PRKCQ: variants seen among roughly 807,000 people sequenced by gnomAD.
PRKCQ encodes the protein protein kinase C theta, also known as protein kinase C theta type.
A neutral mutation model predicts 91.2 loss-of-function variants in PRKCQ; 41 were observed. The ratio of observed to expected loss-of-function variants is 0.45; its 90% CI spans 0.35 to 0.58. The LOEUF (loss-of-function observed/expected upper bound fraction) is 0.58, where lower values mean the gene tolerates loss of function less well. Ranked by LOEUF, PRKCQ falls within the 20% of genes least tolerant of loss-of-function variation. PRKCQ has a pLI of 0.00. For missense variants in PRKCQ, 673 were observed against 896.5 expected (o/e 0.75, Z 3.18); for synonymous variants, 307 against 316.9 (o/e 0.97, Z 0.33).
chr10:6,507,300 A>C, intron 4 of PRKCQ, 136 bp downstream of exon 4: 1 of 849,452 alleles, frequency 1.2e-6, no homozygotes, highest in Non-Finnish European at 1.9e-6. Flanking sequence ...AGCACCTCTG[A>C]GAATTTTAAA....
chr10:6,485,301 C>G (rs751734569), intron 9 of PRKCQ, 32 bp from the exon 10 acceptor site: 2 of 1,555,042 alleles, frequency 1.3e-6, no homozygotes, highest in Non-Finnish European at 1.8e-6. Flanking sequence ...AGACCACCCA[C>G]CCACCCACCA....
chr10:6,511,189 C>G lies in PRKCQ; in HGVS notation c.124G>C (p.Gly42Arg). 1 of 1,613,890 alleles carries G rather than the reference C, an allele frequency of 6.2e-7. No individual in the cohort carries two copies. The highest frequency in any genetic ancestry group is 8.5e-7 in the Non-Finnish European group (1 of 1,179,914). Residue 42 changes from glycine (G) to arginine (R), a missense_variant, in exon 3 of 18, where the codon GGG (glycine) becomes CGG (arginine). Coordinates refer to ENST00000263125, the MANE Select transcript of PRKCQ (RefSeq NM_006257.5). ...LVKEYVESEN[G>R]QMYIQKKPTM... Reference sequence around the variant, plus strand: ...GGCTTTTTCTGGATATACATCTGCCCGTTCTCTAGGAACAGAAACGTAAGG... The same window carrying G: ...GGCTTTTTCTGGATATACATCTGCCGGTTCTCTAGGAACAGAAACGTAAGG...
At chr10:6,395,442 G>C in the PRKCQ span, among the ~76,000 whole-genome samples, 1 of 152,024 alleles carries the variant, frequency 6.6e-6, no homozygotes, top group African/African-American at 2.4e-5. Flanking sequence ...TTTGGTAAAT[G>C]GGGAGAAGGC....
the PRKCQ span, among the ~76,000 whole-genome samples, chr10:6,411,902 A>G: frequency 6.6e-6 from 1 of 152,190 alleles, no homozygotes; most frequent in Non-Finnish European, 1.5e-5. Context: ...GATAACACTT[A>G]TTTGTTTACT....
chr10:6,449,232 G>A (rs987599598), intron 15 of PRKCQ, among the ~76,000 whole-genome samples: 1 of 147,122 alleles, frequency 6.8e-6, no homozygotes, highest in African/African-American at 2.5e-5. Flanking sequence ...AGAGAGAAGT[G>A]CTTAAAGGAG....
chr10:6,460,480 CT>C (rs372566562), intron 14 of PRKCQ, among the ~76,000 whole-genome samples: 19,009 of 149,932 alleles, frequency 0.13, 1,566 homozygotes, highest in Middle Eastern at 0.22. Flanking sequence ...CCTACTTCCC[CT>C]TTTTTTTTTT....
the PRKCQ span, among the ~76,000 whole-genome samples, chr10:6,409,613 C>T: frequency 5.3e-5 from 8 of 152,316 alleles, no homozygotes; most frequent in African/African-American, 1.7e-4. Flanking sequence ...ATTTTACATA[C>T]ACTTTCTGGA....
Position 6,576,979 on chromosome 10 carries a change from A to G in PRKCQ, c.-10+3232T>C, listed in dbSNP as rs1434921398. On this transcript the variant is annotated intron_variant, in intron 1 of 17. Transcript: ENST00000263125. This position sits in a 1 kb window ranked among gnomAD's most constrained non-coding sequence, Gnocchi z 4.2. ...CTTACATATAAATAAAATTCTGAGT[A>G]TGATATACAGCACATAAATTCTAAA... 3.3e-5 allele frequency among the ~76,000 whole-genome samples: 5 copies of G among 152,218 alleles called. No homozygotes were observed. Among genetic ancestry groups the G allele is most frequent in the Non-Finnish European group, 7.3e-5 (5 of 68,044 alleles).
At chr10:6,557,129 G>A (rs191291519) in intron 1 of PRKCQ, among the ~76,000 whole-genome samples, 3 of 152,208 alleles carry the variant, frequency 2.0e-5, no homozygotes, top group East Asian at 1.9e-4. Context: ...GGCTTCTCCC[G>A]CTGCTATGGC....
At chr10:6,523,277 C>G (rs143329223) in intron 1 of PRKCQ, among the ~76,000 whole-genome samples, 4 of 151,964 alleles carry the variant, frequency 2.6e-5, no homozygotes, top group African/African-American at 9.7e-5. Flanking sequence ...ATGCAAGACC[C>G]TGTCTCTATT....
chr10:6,554,662 G>A (rs1421308633), intron 1 of PRKCQ, among the ~76,000 whole-genome samples: 1 of 152,160 alleles, frequency 6.6e-6, no homozygotes, highest in Non-Finnish European at 1.5e-5. Context: ...CCCAATATCA[G>A]ACATTTCTTT....
chr10:6,558,039 C>T (rs568189868), intron 1 of PRKCQ, among the ~76,000 whole-genome samples: 2 of 152,260 alleles, frequency 1.3e-5, no homozygotes, highest in East Asian at 1.9e-4. Context: ...TATCCCCTTG[C>T]TCTTTCACGC....
chr10:6,473,216 C>T (rs1234665569), intron 12 of PRKCQ, among the ~76,000 whole-genome samples: 1 of 152,148 alleles, frequency 6.6e-6, no homozygotes, highest in Non-Finnish European at 1.5e-5. Context: ...AAATGTAATC[C>T]TGCTAAAAAT....
At chr10:6,564,202 A>G (rs1390137784) in intron 1 of PRKCQ, among the ~76,000 whole-genome samples, 1 of 152,126 alleles carries the variant, frequency 6.6e-6, no homozygotes, top group Non-Finnish European at 1.5e-5. Context: ...TTTGCAGGGG[A>G]GTGCAGCAAT....
At chr10:6,568,367 C>G (rs765776116) in intron 1 of PRKCQ, among the ~76,000 whole-genome samples, 3 of 151,904 alleles carry the variant, frequency 2.0e-5, no homozygotes, top group Non-Finnish European at 2.9e-5. Context: ...ACTATTTTTT[C>G]TTTATTAAAA....
At chr10:6,500,021 T>C (rs1837821686) in intron 4 of PRKCQ, among the ~76,000 whole-genome samples, 1 of 152,206 alleles carries the variant, frequency 6.6e-6, no homozygotes, top group African/African-American at 2.4e-5. Context: ...CTCTAACAGT[T>C]CCACAGATGG....
At chr10:6,560,050 T>C (rs939920808) in intron 1 of PRKCQ, among the ~76,000 whole-genome samples, 6 of 152,226 alleles carry the variant, frequency 3.9e-5, no homozygotes, top group South Asian at 2.1e-4. Context: ...TCTTCTCCCC[T>C]GTATTTTAAA....
At position 6,442,441 on chromosome 10, in the gene PRKCQ, C is replaced by G. The variant is rs938510899; in HGVS notation, c.1648-360G>C. On this transcript the variant is annotated intron_variant, in intron 15 of 17. Transcript: ENST00000263125. ...TATGTGTCTAAGTTCTTCAGTGGCT[C>G]TGGTGTGAGCCTGGAAACCAAGCCT... Among the ~76,000 whole-genome samples the G allele has an allele frequency of 8.3e-4, 126 of 152,290 alleles. 1 individual carries two copies. Among genetic ancestry groups the G allele is most frequent in the African/African-American group, 2.9e-3 (121 of 41,556 alleles).
At chr10:6,468,803 T>C (rs1490336172) in intron 12 of PRKCQ, among the ~76,000 whole-genome samples, 1 of 152,200 alleles carries the variant, frequency 6.6e-6, no homozygotes, top group African/African-American at 2.4e-5. Context: ...TAAGGACACG[T>C]AACAAATGTT....
Sources: allele counts gnomAD v4.1 joint callset (sites outside exome capture counted in the v4.1 genomes callset), GRCh38; gene constraint gnomAD v4.1.1; non-coding constraint Gnocchi (gnomAD v3.1); transcripts MANE v1.5; gene names NCBI Gene and HGNC (gene_info 2026-07-23, HGNC 2026-07-21).